The following KMT2C variants were observed in gnomAD, a reference collection of about 807,000 sequenced individuals.
KMT2C encodes the protein histone-lysine N-methyltransferase 2C.
In KMT2C, 88 loss-of-function variants were observed where a neutral mutation model predicts 507.9. That is an observed-to-expected ratio of 0.17 (90% CI 0.15 to 0.21). The LOEUF (loss-of-function observed/expected upper bound fraction) is 0.21. Among genes scored for constraint, KMT2C ranks in the 10% least tolerant of loss-of-function variants. KMT2C has a pLI of 1.00. For synonymous variants in KMT2C, 2,049 were observed against 2,080.8 expected (o/e 0.98, Z 0.42); for missense variants, 4,954 against 5,957.8 (o/e 0.83, Z 5.55).
intron 1 of KMT2C, among the ~76,000 whole-genome samples, chr7:152,428,008 C>G (rs75638328): frequency 3.4e-3 from 522 of 152,264 alleles, no homozygotes; most frequent in Non-Finnish European, 5.7e-3. Flanking sequence ...TAACTCCTGT[C>G]TCCATATTAT....
chr7:152,367,046 T>G, intron 1 of KMT2C: 1 of 642,610 alleles, frequency 1.6e-6, no homozygotes, highest in Non-Finnish European at 2.7e-6. Context: ...AATCCACAGG[T>G]CTTTCTTGAA....
intron 2 of KMT2C, 105 bp from the exon 3 acceptor site, chr7:152,330,844 C>G (rs2096875440): frequency 9.4e-7 from 1 of 1,066,056 alleles, no homozygotes; most frequent in Non-Finnish European, 1.4e-6. Context: ...AAAGAAACAA[C>G]AAATAACAAT....
At chr7:152,313,044 A>G (rs2096687252) in intron 4 of KMT2C, among the ~76,000 whole-genome samples, 1 of 152,180 alleles carries the variant, frequency 6.6e-6, no homozygotes, top group Non-Finnish European at 1.5e-5. Context: ...CCATATAAAA[A>G]TAACCAGTAA....
intron 9 of KMT2C, among the ~76,000 whole-genome samples, chr7:152,257,422 C>T (rs1198244976): frequency 1.3e-5 from 2 of 152,104 alleles, no homozygotes; most frequent in Non-Finnish European, 2.9e-5. Flanking sequence ...GAGGCAGTGA[C>T]AATTCTGAGT....
intron 2 of KMT2C, among the ~76,000 whole-genome samples, chr7:152,330,940 A>C (rs776947449): frequency 3.9e-5 from 6 of 152,220 alleles, no homozygotes; most frequent in Non-Finnish European, 8.8e-5. Flanking sequence ...TATCAAAATA[A>C]TGTGAAGCAT....
intron 7 of KMT2C, among the ~76,000 whole-genome samples, chr7:152,269,835 T>C (rs150567603): frequency 0.013 from 1,976 of 152,152 alleles, 47 homozygotes; most frequent in African/African-American, 0.045. Flanking sequence ...GGAAACAAAA[T>C]GATCATCTTT....
At chr7:152,409,555 TA>T (rs1188408808) in intron 1 of KMT2C, among the ~76,000 whole-genome samples, 1 of 98,660 alleles carries the variant, frequency 1.0e-5, no homozygotes, top group Non-Finnish European at 2.0e-5. Context: ...CCATGTCTGC[TA>T]AAAATACAAA....
At chr7:152,208,598 A>T (rs1017876803) in intron 23 of KMT2C, among the ~76,000 whole-genome samples, 37 of 152,314 alleles carry the variant, frequency 2.4e-4, no homozygotes, top group African/African-American at 8.7e-4. Flanking sequence ...AGAGAATGCT[A>T]TTTTAGAGAA....
At position 152,181,159 on chromosome 7, in the gene KMT2C, G is replaced by T; in HGVS notation, c.6701C>A (p.Thr2234Asn). 1 of 1,614,168 alleles carries T rather than the reference G, an allele frequency of 6.2e-7. No homozygotes were observed. The highest frequency in any genetic ancestry group is 8.5e-7 in the Non-Finnish European group (1 of 1,180,034). The stretch of plus-strand genomic sequence containing the variant: ...GACTGGTCTTGTCATTGAGGACCTA[G>T]TAAAACCCTCTGAAATCCTTGGCCT... ...TPRPRISEGF[T>N]RSSMTRPVLM... Residue 2234 changes from threonine to asparagine, a missense_variant, in exon 36 of 59, where the codon ACT becomes AAT. Physicochemically the swap from Thr to Asn is moderately conservative, Grantham distance 65 (BLOSUM62 0). This residue lies in a region of KMT2C where 1,689 missense variants were observed against 1,654.3 expected (regional missense o/e 1.02). Coordinates refer to ENST00000262189, the MANE Select transcript of KMT2C (RefSeq NM_170606.3).
chr7:152,268,701 G>C (rs1171650890), intron 7 of KMT2C, among the ~76,000 whole-genome samples: 1 of 151,958 alleles, frequency 6.6e-6, no homozygotes, highest in Non-Finnish European at 1.5e-5. Context: ...TGATCTTTTT[G>C]CTCACCGTAA....
At chr7:152,152,289 G>C (rs1165059687) in intron 49 of KMT2C, among the ~76,000 whole-genome samples, 1 of 152,164 alleles carries the variant, frequency 6.6e-6, no homozygotes, top group Non-Finnish European at 1.5e-5. Context: ...TGGTGCAGAG[G>C]TAAAACAAGA....
chr7:152,431,501 G>A (rs1375171608), intron 1 of KMT2C, among the ~76,000 whole-genome samples: 1 of 151,808 alleles, frequency 6.6e-6, no homozygotes, highest in African/African-American at 2.4e-5. Flanking sequence ...AGCTACTTGG[G>A]AGGCTGAGAC....
intron 31 of KMT2C, among the ~76,000 whole-genome samples, chr7:152,191,429 C>G (rs2093789281): frequency 6.6e-6 from 1 of 152,218 alleles, no homozygotes; most frequent in Non-Finnish European, 1.5e-5. Flanking sequence ...TTCAGTAGCA[C>G]AGTCCTACTT....
rs2095512858 is a variant in KMT2C at position 152,248,530 on chromosome 7, T to C, written c.1904A>G (p.Lys635Arg). The change falls in exon 14 of 59, where the codon AAG (lysine) becomes AGG (arginine). Residue 635 changes from lysine (K) to arginine (R), a missense_variant. Around this residue, in one of 29 missense-constraint regions of KMT2C, gnomAD observed 376 missense variants for 352.4 expected, o/e 1.07. Transcript: ENST00000262189. Reference protein sequence around the residue: ...SEDLKMSSEVKHICGEDQIED... With the variant: ...SEDLKMSSEVRHICGEDQIED... ...AATTTGATCTTCGCCACAAATATGC[T>C]TCACTTCAGAAGACATTTTCAGGTC... 2.5e-6 allele frequency: 4 copies of C among 1,613,928 alleles called. No individual in the cohort carries two copies. The highest frequency in any genetic ancestry group is 3.3e-5 in the Admixed American group (2 of 59,980).
rs2129137096 is a variant in KMT2C, at chr7:152,205,018, C to T, written c.3961+88G>A. Reference sequence around the variant, plus strand: ...GCAATAAGGCTCTTATTGACTGTAACATTATTTAGGATAGTTTTTTCCAAT... The same window carrying T: ...GCAATAAGGCTCTTATTGACTGTAATATTATTTAGGATAGTTTTTTCCAAT... On this transcript the variant is annotated intron_variant, in intron 25 of 58. Coordinates refer to ENST00000262189, the MANE Select transcript of KMT2C (RefSeq NM_170606.3). 3.8e-6 allele frequency: 3 copies of T among 780,558 alleles called. No homozygotes were observed. In the East Asian group the frequency reaches 8.2e-5, roughly 21 times the overall value. 48.4% of individuals were successfully genotyped at this position (780,558 alleles called of 1,614,324 possible). A position where few individuals can be genotyped will look rare whatever the true frequency, so the allele number is the denominator to read the frequency against.
chr7:152,367,679 A>G, intron 1 of KMT2C: 1 of 1,411,478 alleles, frequency 7.1e-7, no homozygotes, highest in Non-Finnish European at 1.0e-6. Flanking sequence ...TGCTGCTCAC[A>G]ATAGCTGACA....
chr7:152,213,346 T>C (rs916868916), intron 23 of KMT2C, among the ~76,000 whole-genome samples: 1 of 152,136 alleles, frequency 6.6e-6, no homozygotes, highest in Non-Finnish European at 1.5e-5. Context: ...CAAAACAGTA[T>C]GGTACTGGCA....
At chr7:152,215,216 TAA>T (rs1222757353) in intron 23 of KMT2C, among the ~76,000 whole-genome samples, 1 of 151,858 alleles carries the variant, frequency 6.6e-6, no homozygotes, top group Admixed American at 6.6e-5. Context: ...CTATTCACAG[TAA>T]AAGACTGAAA....
chr7:152,283,954 AAGAT>A (rs1197303033), intron 6 of KMT2C, among the ~76,000 whole-genome samples: 7 of 152,116 alleles, frequency 4.6e-5, no homozygotes, highest in African/African-American at 1.7e-4. Flanking sequence ...AACTCAAAAA[AAGAT>A]AGAAAAAAGC....
Sources: allele counts gnomAD v4.1 joint callset (sites outside exome capture counted in the v4.1 genomes callset), GRCh38; gene constraint gnomAD v4.1.1; regional missense constraint gnomAD v4.1.1; transcripts MANE v1.5; gene names NCBI Gene and HGNC (gene_info 2026-07-23, HGNC 2026-07-21).